The following LCLAT1 variants were observed in gnomAD, a reference collection of about 807,000 sequenced individuals.
LCLAT1 encodes 1-AGP acyltransferase 8.
LCLAT1 carries 11 observed loss-of-function variants against 30.7 expected under a neutral mutation model. That is an observed-to-expected ratio of 0.36 (90% CI 0.23 to 0.59). The LOEUF (loss-of-function observed/expected upper bound fraction) is 0.59. Among genes scored for constraint, LCLAT1 ranks in the 20% least tolerant of loss-of-function variants. The pLI, the probability that LCLAT1 is intolerant of heterozygous loss-of-function variation, is 0.77. For synonymous variants in LCLAT1, 155 were observed against 151.3 expected (o/e 1.02, Z -0.18); for missense variants, 402 against 458.6 (o/e 0.88, Z 1.13).
chr2:30,555,027 A>G (rs1487068947), intron 3 of LCLAT1, among the ~76,000 whole-genome samples: 1 of 152,170 alleles, frequency 6.6e-6, no homozygotes, highest in Admixed American at 6.5e-5. Flanking sequence ...GAATTAATGA[A>G]AAAAGTTCCA....
chr2:30,461,087 A>T (rs1015452613), intron 1 of LCLAT1, among the ~76,000 whole-genome samples: 4 of 152,182 alleles, frequency 2.6e-5, no homozygotes, highest in African/African-American at 9.7e-5. Flanking sequence ...AATCGTTGAA[A>T]CTGAAGGGAG....
intron 5 of LCLAT1, among the ~76,000 whole-genome samples, chr2:30,636,702 CTA>C (rs1286007198): frequency 6.6e-6 from 1 of 152,172 alleles, no homozygotes; most frequent in Non-Finnish European, 1.5e-5. Flanking sequence ...CACACCTTTA[CTA>C]TAGATCATCA....
At chr2:30,543,397 T>C (rs1372456533) in intron 3 of LCLAT1, among the ~76,000 whole-genome samples, 1 of 152,140 alleles carries the variant, frequency 6.6e-6, no homozygotes, top group African/African-American at 2.4e-5. Flanking sequence ...AATAAGGATT[T>C]TGTTCTTTTT....
intron 5 of LCLAT1, among the ~76,000 whole-genome samples, chr2:30,623,104 A>C (rs1668345250): frequency 7.6e-6 from 1 of 130,798 alleles, no homozygotes; most frequent in South Asian, 2.4e-4. Context: ...CCAGGGCTAG[A>C]GTGCAGTGGC....
rs1262784785 is a variant in LCLAT1 at position 30,521,489 on chromosome 2, C to CTTTTTTTTTTTTTT, written c.-4-4096_-4-4095insTTTTTTTTTTTTTT. Among the ~76,000 whole-genome samples, 10 of 55,558 alleles carry CTTTTTTTTTTTTTT rather than the reference C, an allele frequency of 1.8e-4. 1 individual carries two copies. The highest frequency in any genetic ancestry group is 5.7e-4 in the East Asian group (1 of 1,750). 36.4% of individuals were successfully genotyped at this position (55,558 alleles called of 152,430 possible). A position where few individuals can be genotyped will look rare whatever the true frequency, so the allele number is the denominator to read the frequency against. ...GTTTCCTCAACCCCCTAAACTACTT[C>CTTTTTTTTTTTTTT]TTCTTTTTTTTTTTTTTTTTTTTTT... On this transcript the variant is annotated intron_variant, in intron 1 of 5. Coordinates refer to ENST00000379509, the MANE Select transcript of LCLAT1 (RefSeq NM_001002257.3).
chr2:30,605,839 C>G (rs1319236658), intron 5 of LCLAT1, among the ~76,000 whole-genome samples: 3 of 152,180 alleles, frequency 2.0e-5, no homozygotes, highest in African/African-American at 7.2e-5. Flanking sequence ...TTGTCCACGG[C>G]TCGGGGAGGG....
intron 5 of LCLAT1, among the ~76,000 whole-genome samples, chr2:30,569,367 T>G (rs770059129): frequency 6.6e-6 from 1 of 152,258 alleles, no homozygotes; most frequent in Non-Finnish European, 1.5e-5. Context: ...AACACATATA[T>G]GAAGAAAAGG....
chr2:30,590,104 C>T (rs1439362339), intron 5 of LCLAT1, among the ~76,000 whole-genome samples: 1 of 152,120 alleles, frequency 6.6e-6, no homozygotes, highest in African/African-American at 2.4e-5. Flanking sequence ...AATCATTCTA[C>T]TCAGACTTTA....
At chr2:30,518,439 C>T (rs1413804897) in intron 1 of LCLAT1, among the ~76,000 whole-genome samples, 1 of 152,196 alleles carries the variant, frequency 6.6e-6, no homozygotes, top group East Asian at 1.9e-4. Flanking sequence ...GCTGTTTGCA[C>T]TCAGCCAAGC....
intron 5 of LCLAT1, among the ~76,000 whole-genome samples, chr2:30,616,101 T>G (rs1277457473): frequency 2.0e-5 from 3 of 152,292 alleles, no homozygotes; most frequent in African/African-American, 7.2e-5. Context: ...AAAGGTGATT[T>G]TGACACAAGC....
intron 1 of LCLAT1, among the ~76,000 whole-genome samples, chr2:30,495,974 A>C (rs957500405): frequency 2.6e-5 from 4 of 152,150 alleles, no homozygotes; most frequent in African/African-American, 4.8e-5. Context: ...TTTATAAAGA[A>C]AAGAGGTTTA....
intron 1 of LCLAT1, among the ~76,000 whole-genome samples, chr2:30,477,234 C>A (rs1319964391): frequency 1.3e-5 from 2 of 152,046 alleles, no homozygotes; most frequent in African/African-American, 4.8e-5. Flanking sequence ...GTTTTTATCA[C>A]CTAGACTAAA....
intron 5 of LCLAT1, among the ~76,000 whole-genome samples, chr2:30,597,204 A>C (rs1396849323): frequency 6.6e-6 from 1 of 151,446 alleles, no homozygotes; most frequent in Non-Finnish European, 1.5e-5. Flanking sequence ...TTTAATGGGA[A>C]TAGCATTGAA....
chr2:30,593,605 T>C (rs1363131042), intron 5 of LCLAT1, among the ~76,000 whole-genome samples: 3 of 152,220 alleles, frequency 2.0e-5, no homozygotes, highest in African/African-American at 7.2e-5. Context: ...TGTATTTTGA[T>C]AGGGATTATA....
intron 5 of LCLAT1, among the ~76,000 whole-genome samples, chr2:30,597,588 A>G (rs550121823): frequency 6.6e-6 from 1 of 152,302 alleles, no homozygotes; most frequent in Non-Finnish European, 1.5e-5. Context: ...GTCATCTGCA[A>G]ACAAAGACAA....
intron 1 of LCLAT1, among the ~76,000 whole-genome samples, chr2:30,474,257 A>G (rs1372981496): frequency 6.6e-6 from 1 of 152,214 alleles, no homozygotes; most frequent in Non-Finnish European, 1.5e-5. Flanking sequence ...CTGACAGGAT[A>G]GAATTTACAT....
chr2:30,568,288 A>C, intron 5 of LCLAT1, 112 bp downstream of exon 5: 1 of 549,234 alleles, frequency 1.8e-6, no homozygotes, highest in South Asian at 3.0e-5. Flanking sequence ...GTCTCAAGAA[A>C]TGAGATATTG....
chr2:30,605,151 C>T (rs1481937906), intron 5 of LCLAT1, among the ~76,000 whole-genome samples: 3 of 152,226 alleles, frequency 2.0e-5, no homozygotes, highest in Non-Finnish European at 4.4e-5. Flanking sequence ...TGTGTATTGC[C>T]TTAACTATTG....
chr2:30,545,745 T>C (rs537343686), intron 3 of LCLAT1, among the ~76,000 whole-genome samples: 2 of 152,288 alleles, frequency 1.3e-5, no homozygotes, highest in East Asian at 3.9e-4. Flanking sequence ...AAATGAAATA[T>C]TAAACTTAAA....
Sources: allele counts gnomAD v4.1 joint callset (sites outside exome capture counted in the v4.1 genomes callset), GRCh38; gene constraint gnomAD v4.1.1; transcripts MANE v1.5; gene names NCBI Gene and HGNC (gene_info 2026-07-23, HGNC 2026-07-21).